The following SBF2 variants were observed in gnomAD, a reference collection of about 807,000 sequenced individuals.
SBF2 encodes the protein SET binding factor 2, also known as myotubularin-related protein 13.
In SBF2, 112 loss-of-function variants were observed where a neutral mutation model predicts 225.2. The observed-to-expected ratio is 0.50, with a 90% CI of 0.43 to 0.58. SBF2 has a LOEUF of 0.58. Among genes scored for constraint, SBF2 ranks in the 20% least tolerant of loss-of-function variants. SBF2 has a pLI of 0.00. For synonymous variants in SBF2, 763 were observed against 773.3 expected, an observed-to-expected ratio of 0.99 and a Z score of 0.22; for missense variants, 1,996 against 2,206.2, an observed-to-expected ratio of 0.90 and a Z score of 1.91.
intron 6 of SBF2, among the ~76,000 whole-genome samples, chr11:10,014,505 T>TAAAAAAA (rs1181315538): frequency 3.6e-3 from 254 of 70,478 alleles, no homozygotes; most frequent in Non-Finnish European, 4.9e-3. Context: ...CCATTTCAAC[T>TAAAAAAA]AAAAAAAAAA....
chr11:10,231,646 G>A (rs573800029), intron 1 of SBF2, among the ~76,000 whole-genome samples: 1 of 152,316 alleles, frequency 6.6e-6, no homozygotes, highest in African/African-American at 2.4e-5. Flanking sequence ...TGCAAATGCT[G>A]CTGCCTGATC....
rs1381054120 is a variant in SBF2 at position 10,132,608 on chromosome 11, G to C, written c.141+61294C>G. Reference sequence around the variant, plus strand: ...CGCTGGGCTCAGGAGTGAAGCTGCAGATCTTCACGGTGAGTGTTACAGCTC... The same window carrying C: ...CGCTGGGCTCAGGAGTGAAGCTGCACATCTTCACGGTGAGTGTTACAGCTC... On this transcript the variant is annotated intron_variant, in intron 2 of 39. Transcript: ENST00000256190. Among the ~76,000 whole-genome samples the C allele has an allele frequency of 4.7e-5, 7 of 149,134 alleles. 1 individual carries two copies. Among genetic ancestry groups the C allele is most frequent in the Non-Finnish European group, 1.0e-4 (7 of 67,494 alleles).
At chr11:10,175,789 G>T (rs1484346232) in intron 2 of SBF2, among the ~76,000 whole-genome samples, 2 of 151,818 alleles carry the variant, frequency 1.3e-5, no homozygotes, top group Admixed American at 6.6e-5. Context: ...AAATGTAAAA[G>T]AACAGAAATT....
intron 6 of SBF2, among the ~76,000 whole-genome samples, chr11:10,024,804 G>C (rs1484640392): frequency 6.6e-6 from 1 of 152,092 alleles, no homozygotes; most frequent in Non-Finnish European, 1.5e-5. Flanking sequence ...TCTCTGCTTT[G>C]TGCAAGTCTG....
chr11:10,221,918 T>C (rs1420295580), intron 1 of SBF2, among the ~76,000 whole-genome samples: 2 of 151,908 alleles, frequency 1.3e-5, no homozygotes, highest in Non-Finnish European at 2.9e-5. Context: ...AAGGACAGAG[T>C]TCAGGAAGAC....
At chr11:10,202,520 T>G (rs527526375) in intron 1 of SBF2, among the ~76,000 whole-genome samples, 82 of 152,334 alleles carry the variant, frequency 5.4e-4, no homozygotes, top group African/African-American at 1.9e-3. Flanking sequence ...GCGAGGGGGC[T>G]CAGGCCTGTA....
At chr11:10,049,704 G>A (rs899859798) in intron 2 of SBF2, among the ~76,000 whole-genome samples, 1 of 152,118 alleles carries the variant, frequency 6.6e-6, no homozygotes, top group Non-Finnish European at 1.5e-5. Context: ...ACAGTATAAA[G>A]GGTACTGAGA....
intron 17 of SBF2, among the ~76,000 whole-genome samples, chr11:9,882,795 C>CAAAAAAAAAAAAAAA (rs56699466): frequency 1.1e-5 from 1 of 90,098 alleles, no homozygotes; most frequent in Admixed American, 1.6e-4. Flanking sequence ...GTGACAGAGT[C>CAAAAAAAAAAAAAAA]AAAAAAAAAA....
intron 30 of SBF2, chr11:9,811,292 G>C (rs1405667512): frequency 6.6e-6 from 1 of 152,170 alleles, no homozygotes; most frequent in Non-Finnish European, 1.5e-5. Flanking sequence ...CCCAAGATAT[G>C]CAATGTACCT....
intron 2 of SBF2, among the ~76,000 whole-genome samples, chr11:10,119,652 A>G (rs1953334795): frequency 6.6e-6 from 1 of 152,184 alleles, no homozygotes; most frequent in South Asian, 2.1e-4. Flanking sequence ...TGATGGCTAA[A>G]TTAATAAATA....
intron 2 of SBF2, among the ~76,000 whole-genome samples, chr11:10,073,413 A>C (rs1306503452): frequency 6.6e-6 from 1 of 152,170 alleles, no homozygotes. Flanking sequence ...GAAACTATAG[A>C]TTAAGAAAGA....
chr11:9,975,596 T>C (rs1946645463), intron 13 of SBF2, among the ~76,000 whole-genome samples: 1 of 152,204 alleles, frequency 6.6e-6, no homozygotes, highest in South Asian at 2.1e-4. Flanking sequence ...CTCGTAACTG[T>C]AGATTAAAAA....
At chr11:10,299,086 C>T (rs544752021), upstream of SBF2, among the ~76,000 whole-genome samples, 2 of 152,104 alleles carry the variant, frequency 1.3e-5, no homozygotes, top group African/African-American at 2.4e-5. Context: ...CGCCTGTAAT[C>T]GCAGCACTTT....
intron 1 of SBF2, among the ~76,000 whole-genome samples, chr11:10,277,226 C>A (rs1020736570): frequency 6.6e-6 from 1 of 150,746 alleles, no homozygotes; most frequent in African/African-American, 2.4e-5. Context: ...TTGAGACCAG[C>A]CTAGGCATCA....
At chr11:9,805,759 A>T (rs1270109942) in intron 32 of SBF2, among the ~76,000 whole-genome samples, 1 of 152,068 alleles carries the variant, frequency 6.6e-6, no homozygotes, top group African/African-American at 2.4e-5. Context: ...AGTAGCTGGG[A>T]CTACAGGCGT....
At chr11:10,047,105 T>C (rs1412373539) in intron 2 of SBF2, among the ~76,000 whole-genome samples, 2 of 151,962 alleles carry the variant, frequency 1.3e-5, no homozygotes, top group Non-Finnish European at 2.9e-5. Context: ...ACTATAACAC[T>C]CTGATGAAAG....
intron 6 of SBF2, among the ~76,000 whole-genome samples, chr11:10,003,966 T>A (rs1396188117): frequency 6.6e-6 from 1 of 152,180 alleles, no homozygotes; most frequent in Non-Finnish European, 1.5e-5. Context: ...ATTTTCCCTT[T>A]ATCATAGCTT....
intron 1 of SBF2, among the ~76,000 whole-genome samples, chr11:10,230,110 G>A (rs1429117314): frequency 1.3e-5 from 2 of 152,142 alleles, no homozygotes; most frequent in African/African-American, 4.8e-5. Flanking sequence ...TTTAAAGTCT[G>A]TTTTATCAGA....
intron 13 of SBF2, among the ~76,000 whole-genome samples, chr11:9,979,619 C>T (rs1335864634): frequency 6.6e-6 from 1 of 152,070 alleles, no homozygotes. Context: ...ATTAAAGTAA[C>T]AGATCTTGGC....
Sources: gnomAD v4.1 joint callset for allele counts (sites outside exome capture counted in the v4.1 genomes callset) on GRCh38, gnomAD v4.1.1 for gene constraint, MANE v1.5 for transcripts, NCBI Gene and HGNC (gene_info 2026-07-23, HGNC 2026-07-21) for gene names.